The following ABCC8 variants were observed in gnomAD, a reference collection of about 807,000 sequenced individuals.
ABCC8 encodes the protein ATP binding cassette subfamily C member 8, also known as ATP-binding cassette sub-family C member 8.
Under a neutral mutation model 188.0 loss-of-function variants are expected in ABCC8, and 137 were observed. The ratio of observed to expected loss-of-function variants is 0.73; its 90% confidence interval spans 0.63 to 0.84. The LOEUF is 0.84. Ranked by LOEUF, ABCC8 falls within the 40% of genes least tolerant of loss-of-function variation. The pLI is 0.00. For missense variants in ABCC8, 1,750 were observed against 2,072.7 expected (o/e 0.84, Z 3.02); for synonymous variants, 797 against 846.5 (o/e 0.94, Z 1.01).
At chr11:17,468,553 G>T (rs1312785113) in intron 3 of ABCC8, among the ~76,000 whole-genome samples, 2 of 152,168 alleles carry the variant, frequency 1.3e-5, no homozygotes, top group African/African-American at 2.4e-5. Flanking sequence ...TGACGAGCTA[G>T]ACTAGTGCCA....
At chr11:17,455,080 A>G (rs1956944752) in intron 6 of ABCC8, among the ~76,000 whole-genome samples, 1 of 152,230 alleles carries the variant, frequency 6.6e-6, no homozygotes, top group South Asian at 2.1e-4. Context: ...TTTATCCCAA[A>G]GAAAATAATT....
At chr11:17,433,686 G>C (rs1304351900) in intron 10 of ABCC8, among the ~76,000 whole-genome samples, 2 of 152,226 alleles carry the variant, frequency 1.3e-5, no homozygotes, top group Non-Finnish European at 1.5e-5. Context: ...GAAGGACATT[G>C]TCCCCATCCT....
Position 17,431,033 on chromosome 11 carries a change from C to T in ABCC8, c.1672-74G>A, listed in dbSNP as rs2074308. On this transcript the variant is annotated intron_variant, in intron 11 of 38. Transcript: ENST00000389817. Reference sequence around the variant, plus strand: ...CCTCCCACACTGGAAACGCTCAGCACTGGAAGGGAAATGAGAGGGCTGTCA... The same window carrying T: ...CCTCCCACACTGGAAACGCTCAGCATTGGAAGGGAAATGAGAGGGCTGTCA... 0.15 allele frequency: 235,857 copies of T among 1,580,530 alleles called. 19,098 individuals are homozygous for T. Among genetic ancestry groups the T allele is most frequent in the South Asian group, 0.25 (21,608 of 88,052 alleles).
chr11:17,410,243 T>G (rs1954744101), intron 22 of ABCC8: 1 of 447,136 alleles, frequency 2.2e-6, no homozygotes. Flanking sequence ...GAGCACTTGA[T>G]TATTCCTGAG....
chr11:17,456,724 C>T (rs1957010667), intron 6 of ABCC8, among the ~76,000 whole-genome samples: 1 of 152,200 alleles, frequency 6.6e-6, no homozygotes. Context: ...GTTCCTCAAC[C>T]TCTCTTAGCT....
intron 21 of ABCC8, among the ~76,000 whole-genome samples, chr11:17,411,792 T>C (rs879327647): frequency 3.9e-5 from 6 of 152,272 alleles, no homozygotes; most frequent in African/African-American, 1.4e-4. Context: ...TTCTAAATCT[T>C]TGAGGCCAAG....
intron 18 of ABCC8, among the ~76,000 whole-genome samples, 190 bp downstream of exon 18, chr11:17,415,114 G>C (rs947573931): frequency 2.6e-5 from 4 of 152,122 alleles, no homozygotes; most frequent in African/African-American, 9.7e-5. Context: ...TATGTGAAGG[G>C]AGTAAATGGA....
intron 21 of ABCC8, among the ~76,000 whole-genome samples, chr11:17,410,994 C>T (rs1954779211): frequency 6.6e-6 from 1 of 152,226 alleles, no homozygotes; most frequent in African/African-American, 2.4e-5. Flanking sequence ...CATGCTTCAT[C>T]TGTGCTTTCC....
chr11:17,397,767 C>T lies in ABCC8; in HGVS notation c.3784G>A (p.Ala1262Thr), dbSNP rs1266053680. 1.9e-5 allele frequency: 31 copies of T among 1,613,714 alleles called. No homozygotes were observed. Among genetic ancestry groups the T allele is most frequent in the African/African-American group, 2.7e-5 (2 of 74,926 alleles). ...EYIGACVVLI[A>T]AVTSISNSLH... is the part of the protein sequence containing the mutation. Reference sequence around the variant, plus strand: ...GAGTTGGAGATGGAGGTCACCGCTGCGATGAGCACCACACATGCACCGATG... The same window carrying T: ...GAGTTGGAGATGGAGGTCACCGCTGTGATGAGCACCACACATGCACCGATG... Residue 1262 changes from alanine to threonine, a missense_variant, in exon 31 of 39, where the codon GCA becomes ACA. Coordinates refer to ENST00000389817, the MANE Select transcript of ABCC8 (RefSeq NM_000352.6).
In ABCC8 at chr11:17,470,131, CGATGTT is replaced by C; in HGVS notation, c.376_381del (p.Asn126_Ile127del). ...AGCAGCTTGGGGAAGTTGGAAGTCT[CGATGTT>C]GTGATAGTAGACCACGGAGGTGACA... On this transcript the variant is annotated inframe_deletion, in exon 3 of 39. Transcript: ENST00000389817. 6.2e-7 allele frequency: 1 copy of C among 1,614,112 alleles called. No homozygotes were observed. The highest frequency in any genetic ancestry group is 8.5e-7 in the Non-Finnish European group (1 of 1,180,034).
At chr11:17,398,505 C>T (rs1954062558) in intron 29 of ABCC8, 64 bp from the exon 30 acceptor site, 2 of 1,602,086 alleles carry the variant, frequency 1.2e-6, no homozygotes, top group Non-Finnish European at 1.7e-6. Flanking sequence ...TAGGAGTCTC[C>T]CTACCTGCAG....
intron 30 of ABCC8, among the ~76,000 whole-genome samples, chr11:17,398,037 G>A (rs551404120): frequency 2.6e-5 from 4 of 151,874 alleles, no homozygotes; most frequent in East Asian, 3.9e-4. Context: ...TAACATGCAC[G>A]CCTCAGCTGG....
At chr11:17,417,921 T>C (rs1480709918) in intron 16 of ABCC8, among the ~76,000 whole-genome samples, 1 of 151,880 alleles carries the variant, frequency 6.6e-6, no homozygotes, top group Non-Finnish European at 1.5e-5. Flanking sequence ...GACTAATTTT[T>C]GTATATTTTT....
chr11:17,462,536 C>T lies in ABCC8; in HGVS notation c.580-711G>A, dbSNP rs77569244. Among the ~76,000 whole-genome samples, 861 of 152,296 alleles carry T rather than the reference C, an allele frequency of 5.7e-3. 7 individuals are homozygous for T. Among genetic ancestry groups the T allele is most frequent in the African/African-American group, 0.02 (828 of 41,562 alleles). On this transcript the variant is annotated intron_variant, in intron 4 of 38. Transcript: ENST00000389817. ...ATACACAGACCCTTTGACCCAGCAA[C>T]GCCATTCCTTGGACTCTCTCCCATA...
intron 20 of ABCC8, 21 bp from the exon 21 acceptor site, chr11:17,412,767 C>T: frequency 3.8e-6 from 6 of 1,598,614 alleles, no homozygotes; most frequent in Non-Finnish European, 5.1e-6. Context: ...AGAGGAGGAA[C>T]ACATCATGCC....
rs1211875269 is a variant in ABCC8 at position 17,396,946 on chromosome 11, G to T, written c.4089C>A (p.His1363Gln). ...GTCCAGGGGCGATGAGGGCATTGAC[G>T]TGCTTCAGCACCGGCTTCAGGGAGC... Reference protein sequence around the residue: ...YDSSLKPVLKHVNALIAPGQK... With the variant: ...YDSSLKPVLKQVNALIAPGQK... Residue 1363 changes from histidine to glutamine, a missense_variant, in exon 33 of 39, where the codon CAC (histidine) becomes CAA (glutamine). Coordinates refer to ENST00000389817, the MANE Select transcript of ABCC8 (RefSeq NM_000352.6). The T allele has an allele frequency of 1.2e-6, 2 of 1,614,206 alleles. No individual in the cohort carries two copies. The highest frequency in any genetic ancestry group is 1.1e-5 in the South Asian group (1 of 91,088).
At chr11:17,436,062 C>T in intron 10 of ABCC8, 1 of 954,280 alleles carries the variant, frequency 1.0e-6, no homozygotes, top group Non-Finnish European at 1.7e-6. Flanking sequence ...TATTCCAGAA[C>T]TGCTCCATCT....
chr11:17,421,283 T>C (rs1349616863), intron 16 of ABCC8, among the ~76,000 whole-genome samples: 1 of 152,168 alleles, frequency 6.6e-6, no homozygotes, highest in East Asian at 1.9e-4. Flanking sequence ...ATAATTATAA[T>C]ACCATGTGAG....
intron 10 of ABCC8, among the ~76,000 whole-genome samples, chr11:17,433,681 A>G (rs1042854767): frequency 2.6e-5 from 4 of 152,182 alleles, no homozygotes; most frequent in African/African-American, 4.8e-5. Flanking sequence ...GGTGGGAAGG[A>G]CATTGTCCCC....
Sources: gnomAD v4.1 joint callset for allele counts (sites outside exome capture counted in the v4.1 genomes callset) on GRCh38, gnomAD v4.1.1 for gene constraint, MANE v1.5 for transcripts, NCBI Gene and HGNC (gene_info 2026-07-23, HGNC 2026-07-21) for gene names.